The following RPF1 variants were observed in gnomAD, a reference collection of about 807,000 sequenced individuals.
The protein encoded by RPF1 is ribosome production factor 1 homolog, also known as ribosome production factor 1.
Under a neutral mutation model 41.9 loss-of-function variants are expected in RPF1, and 34 were observed. The observed-to-expected ratio is 0.81, with a 90% CI of 0.62 to 1.08. The LOEUF is 1.08. Among genes scored for constraint, RPF1 ranks in the 50% least tolerant of loss-of-function variants. The pLI is 0.00. For missense variants in RPF1, 425 were observed against 435.2 expected, an observed-to-expected ratio of 0.98 and a Z score of 0.21; for synonymous variants, 140 against 148.9, an observed-to-expected ratio of 0.94 and a Z score of 0.43.
chr1:84,482,165 TCA>T (rs1326008604), intron 2 of RPF1, among the ~76,000 whole-genome samples: 7 of 152,338 alleles, frequency 4.6e-5, no homozygotes, highest in Admixed American at 1.3e-4. Flanking sequence ...AATGCTAGTT[TCA>T]GTTTGTATTT....
chr1:84,497,383 TTTTTG>T (rs1232103058), intron 8 of RPF1, 41 bp from the exon 9 acceptor site: 2 of 1,506,180 alleles, frequency 1.3e-6, no homozygotes, highest in Admixed American at 3.5e-5. Flanking sequence ...GTTAATTATA[TTTTTG>T]TTTTGTTTTC....
intron 8 of RPF1, among the ~76,000 whole-genome samples, chr1:84,496,726 A>G (rs554781219): frequency 2.0e-5 from 3 of 152,222 alleles, no homozygotes; most frequent in South Asian, 4.1e-4. Flanking sequence ...TCGATCAGCA[A>G]TTTAGGGGGT....
intron 5 of RPF1, among the ~76,000 whole-genome samples, chr1:84,493,587 C>CAA (rs202049817): frequency 0.016 from 2,009 of 129,492 alleles, 16 homozygotes; most frequent in African/African-American, 0.018. Flanking sequence ...GAGACCGTCT[C>CAA]AAAAAAAAAA....
Position 84,490,479 on chromosome 1 carries a change from T to G in RPF1, c.616+7T>G. 1 of 873,150 alleles carries G rather than the reference T, an allele frequency of 1.1e-6. No homozygotes were observed. The highest frequency in any genetic ancestry group is 1.5e-6 in the Non-Finnish European group (1 of 646,918). 54.1% of individuals were successfully genotyped at this position (873,150 alleles called of 1,614,324 possible). A position where few individuals can be genotyped will look rare whatever the true frequency, so the allele number is the denominator to read the frequency against. ...GAAGATCGTAAAACCCCAAGTATCC[T>G]TTTTTTTTTTAAGGAGGTTTTCCTG... is the stretch of plus-strand genomic sequence containing the variant. On this transcript the variant is annotated splice_region_variant and intron_variant, in intron 5 of 8. Transcript: ENST00000370654.
At position 84,495,394 on chromosome 1, in the gene RPF1, T is replaced by A; in HGVS notation, c.638T>A (p.Leu213Ter). Residue 213 changes from leucine (L) to a stop codon, truncating the protein, a stop_gained, in exon 6 of 9, where the codon TTG becomes TAG. Coordinates refer to ENST00000370654, the MANE Select transcript of RPF1 (RefSeq NM_025065.7). LOFTEE classifies it high-confidence loss of function. ...ACAGATGGACTTATTTTGAGTCACTTGCCAAATGGCCCAACTGCTCATTTT... is the reference window on the plus strand; with the variant it reads ...ACAGATGGACTTATTTTGAGTCACTAGCCAAATGGCCCAACTGCTCATTTT... ...KTPNGLILSH[L>*]PNGPTAHFKM... The A allele has an allele frequency of 6.6e-7, 1 of 1,519,732 alleles. No individual in the cohort carries two copies. The highest frequency in any genetic ancestry group is 9.0e-7 in the Non-Finnish European group (1 of 1,105,850). 94.1% of individuals were successfully genotyped at this position (1,519,732 alleles called of 1,614,324 possible). A position where few individuals can be genotyped will look rare whatever the true frequency, so the allele number is the denominator to read the frequency against.
intron 7 of RPF1, 52 bp downstream of exon 7, chr1:84,496,115 C>A: frequency 6.7e-7 from 1 of 1,488,122 alleles, no homozygotes; most frequent in South Asian, 1.2e-5. Flanking sequence ...AATATATTTT[C>A]AACATGAACT....
Position 84,479,496 on chromosome 1 carries a change from A to G in RPF1, c.215A>G (p.Gln72Arg), listed in dbSNP as rs150868852. The G allele has an allele frequency of 4.2e-4, 679 of 1,614,062 alleles. No homozygotes were observed. The highest frequency in any genetic ancestry group is 5.1e-4 in the Non-Finnish European group (600 of 1,179,896). ...RRHLMFTRWK[Q>R]QQRKEKLAAK... ...CACTTAATGTTCACGCGGTGGAAAC[A>G]GCAGCAGCGGAAGGTACGCGAGAGG... Residue 72 changes from glutamine to arginine, a missense_variant, in exon 1 of 9, where the codon CAG becomes CGG. By Grantham distance (43) the Gln-to-Arg change is conservative. Transcript: ENST00000370654.
At chr1:84,490,265 G>A in intron 4 of RPF1, 54 bp from the exon 5 acceptor site, 1 of 1,244,088 alleles carries the variant, frequency 8.0e-7, no homozygotes, top group African/African-American at 1.6e-5. Context: ...TACCACATAA[G>A]ATTTTTATTC....
In RPF1 at chr1:84,480,883, T is replaced by G. The variant is rs544357033; in HGVS notation, c.229-73T>G. 2.2e-4 allele frequency: 177 copies of G among 793,318 alleles called. 2 individuals carry two copies. In the South Asian group the frequency reaches 2.7e-3, roughly 12 times the overall value. 49.1% of individuals were successfully genotyped at this position (793,318 alleles called of 1,614,324 possible). A position where few individuals can be genotyped will look rare whatever the true frequency, so the allele number is the denominator to read the frequency against. On this transcript the variant is annotated intron_variant, in intron 1 of 8. Coordinates refer to ENST00000370654, the MANE Select transcript of RPF1 (RefSeq NM_025065.7). ...TCGAGTATTCATAGCATTAGTAATT[T>G]GTAGTTTCAGTATGTGTTTGTGATA...
rs2101889402 is a variant in RPF1 at position 84,498,102 on chromosome 1, AAGT to A, written c.*634_*636del. Among the ~76,000 whole-genome samples, 1 of 152,262 alleles carries A rather than the reference AAGT, an allele frequency of 6.6e-6. No individual in the cohort carries two copies. The highest frequency in any genetic ancestry group is 2.4e-5 in the African/African-American group (1 of 41,538). On this transcript the variant is annotated 3_prime_UTR_variant, in exon 9 of 9. Coordinates refer to ENST00000370654, the MANE Select transcript of RPF1 (RefSeq NM_025065.7). ...GGCACTGAAACAAAGTTAACCCTAT[AAGT>A]AACTCATGGATGGAAACCCGTAGAA...
In RPF1 at chr1:84,479,322, A is replaced by G; in HGVS notation, c.41A>G (p.Lys14Arg). 6.2e-7 allele frequency: 1 copy of G among 1,610,062 alleles called. No individual in the cohort carries two copies. The highest frequency in any genetic ancestry group is 8.5e-7 in the Non-Finnish European group (1 of 1,177,942). The stretch of plus-strand genomic sequence containing the variant: ...GATAAGAGCAGCAGCAGCGGGAAGA[A>G]AAGTCTAAAACGGAAAGCCGCTGCC... ...AGDKSSSSGK[K>R]SLKRKAAAEE... Residue 14 changes from lysine (K) to arginine (R), a missense_variant, in exon 1 of 9, where the codon AAA (lysine) becomes AGA (arginine). Physicochemically the swap from Lys to Arg is conservative, Grantham distance 26 (BLOSUM62 2). Coordinates refer to ENST00000370654, the MANE Select transcript of RPF1 (RefSeq NM_025065.7).
chr1:84,485,930 C>T (rs76621933), intron 3 of RPF1, among the ~76,000 whole-genome samples: 1,694 of 152,192 alleles, frequency 0.011, 11 homozygotes, highest in Non-Finnish European at 0.017. Context: ...TTGATTGTGT[C>T]TCTTGCCCAT....
chr1:84,492,623 G>A (rs1681855290), intron 5 of RPF1, among the ~76,000 whole-genome samples: 1 of 152,200 alleles, frequency 6.6e-6, no homozygotes, highest in African/African-American at 2.4e-5. Flanking sequence ...TCTGGCACAT[G>A]GTAGGCATTT....
chr1:84,480,851 GC>G, intron 1 of RPF1, 104 bp from the exon 2 acceptor site: 1 of 636,854 alleles, frequency 1.6e-6, no homozygotes, highest in Non-Finnish European at 2.8e-6. Flanking sequence ...TACAAAGACC[GC>G]CCAGTTCGAG....
chr1:84,486,501 T>C (rs1681741985), intron 3 of RPF1, among the ~76,000 whole-genome samples: 1 of 140,760 alleles, frequency 7.1e-6, no homozygotes. Flanking sequence ...AGCAGGAGAA[T>C]GGCGTGAACC....
At position 84,497,467 on chromosome 1, in the gene RPF1, A is replaced by ATAAAG. The variant is rs779746028; in HGVS notation, c.1050_*4dup. 3.7e-6 allele frequency: 6 copies of ATAAAG among 1,609,864 alleles called. No homozygotes were observed. Among genetic ancestry groups the ATAAAG allele is most frequent in the South Asian group, 1.1e-5 (1 of 90,682 alleles). ...ATACAAGTAGAAGAAAATTCCATTTATAAAGTACTGAGAGAATGATATTGG... is the reference window on the plus strand; with the variant it reads ...ATACAAGTAGAAGAAAATTCCATTTATAAAGTAAAGTACTGAGAGAATGATATTGG... On this transcript the variant is annotated frameshift_variant and stop_retained_variant, in exon 9 of 9. Coordinates refer to ENST00000370654, the MANE Select transcript of RPF1 (RefSeq NM_025065.7). LOFTEE classifies it high-confidence loss of function.
In RPF1 at chr1:84,490,299, T is replaced by C. The variant is rs1558543206; in HGVS notation, c.463-20T>C. 1.3e-6 allele frequency: 2 copies of C among 1,502,852 alleles called. No individual in the cohort carries two copies. The highest frequency in any genetic ancestry group is 1.8e-6 in the Non-Finnish European group (2 of 1,125,092). 93.1% of individuals were successfully genotyped at this position (1,502,852 alleles called of 1,614,324 possible). ...TCTTTTTTGAAAACTATTCAAAATT[T>C]TTGTTATTTTGTTTTGCAGAGAACA... On this transcript the variant is annotated intron_variant, in intron 4 of 8. Transcript: ENST00000370654.
intron 6 of RPF1, 53 bp downstream of exon 6, chr1:84,495,508 TGATCAATA>T: frequency 1.3e-6 from 1 of 789,566 alleles, no homozygotes; most frequent in Non-Finnish European, 2.1e-6. Flanking sequence ...AATATTTATT[TGATCAATA>T]GATGCTGTAT....
intron 3 of RPF1, among the ~76,000 whole-genome samples, chr1:84,483,983 A>G (rs947326611): frequency 6.6e-6 from 1 of 152,204 alleles, no homozygotes; most frequent in African/African-American, 2.4e-5. Context: ...ACATACACAC[A>G]CACAACTTCT....
Sources: allele counts gnomAD v4.1 joint callset (sites outside exome capture counted in the v4.1 genomes callset), GRCh38; gene constraint gnomAD v4.1.1; transcripts MANE v1.5; gene names NCBI Gene and HGNC (gene_info 2026-07-23, HGNC 2026-07-21).